MTMR3: variants seen among roughly 807,000 people sequenced by gnomAD.
MTMR3 encodes the protein myotubularin related protein 3, also known as phosphatidylinositol-3,5-bisphosphate 3-phosphatase MTMR3.
A neutral mutation model predicts 132.4 loss-of-function variants in MTMR3; 32 were observed. The ratio of observed to expected loss-of-function variants is 0.24; its 90% CI spans 0.18 to 0.32. The LOEUF (loss-of-function observed/expected upper bound fraction) is 0.32, where lower values mean the gene tolerates loss of function less well. Ranked by LOEUF, MTMR3 falls within the 10% of genes least tolerant of loss-of-function variation. The pLI is 1.00. For synonymous variants in MTMR3, 556 were observed against 550.3 expected (o/e 1.01, Z -0.14); for missense variants, 1,216 against 1,489.6 (o/e 0.82, Z 3.02).
chr22:29,908,112 T>C lies in MTMR3; in HGVS notation c.-138+24753T>C, dbSNP rs2145740655. Among the ~76,000 whole-genome samples, 3 of 152,288 alleles carry C rather than the reference T, an allele frequency of 2.0e-5. No individual in the cohort carries two copies. The Middle Eastern group carries it at 0.01, about 518-fold the overall frequency. On this transcript the variant is annotated intron_variant, in intron 1 of 19. Transcript: ENST00000401950. ...AGTCGGATGCAAGTAAGATTTTTTT[T>C]CCTAACAACCTTGTAAAACCTGGGG... is the stretch of plus-strand genomic sequence containing the variant.
chr22:29,910,364 A>G (rs1359380392), intron 1 of MTMR3, among the ~76,000 whole-genome samples: 4 of 152,178 alleles, frequency 2.6e-5, no homozygotes, highest in East Asian at 1.9e-4. Flanking sequence ...AAAGTGATGG[A>G]TCAGCAAAGA....
intron 1 of MTMR3, among the ~76,000 whole-genome samples, chr22:29,926,173 A>G (rs368366080): frequency 9.2e-5 from 14 of 152,198 alleles, no homozygotes; most frequent in South Asian, 4.2e-4. Flanking sequence ...GCTTTCATTT[A>G]GCATGAAAGC....
chr22:29,928,133 C>T (rs1330650463), intron 1 of MTMR3, among the ~76,000 whole-genome samples: 2 of 144,066 alleles, frequency 1.4e-5, no homozygotes, highest in African/African-American at 5.1e-5. Flanking sequence ...CCGTTCTTTT[C>T]TCATCGTCTG....
At chr22:29,996,761 C>T (rs2067069832) in intron 7 of MTMR3, 1 of 152,150 alleles carries the variant, frequency 6.6e-6, no homozygotes, top group South Asian at 2.1e-4. Flanking sequence ...GGGTCTCACT[C>T]TGTTGCCCAG....
intron 8 of MTMR3, chr22:30,001,886 T>G (rs886190564): frequency 6.6e-6 from 1 of 152,120 alleles, no homozygotes; most frequent in Non-Finnish European, 1.5e-5. Context: ...TTCTGGAAAT[T>G]GAGGAGAGAT....
At chr22:29,891,223 A>T (rs1377973972) in intron 1 of MTMR3, among the ~76,000 whole-genome samples, 1 of 152,014 alleles carries the variant, frequency 6.6e-6, no homozygotes, top group African/African-American at 2.4e-5. Flanking sequence ...CAAAAAATCA[A>T]CAAGGATGAT....
At chr22:30,002,815 C>A in intron 8 of MTMR3, 65 bp from the exon 9 acceptor site, 3 of 1,233,226 alleles carry the variant, frequency 2.4e-6, no homozygotes, top group Non-Finnish European at 3.5e-6. Flanking sequence ...GTCTCTCTCT[C>A]TCTCCCGTTT....
At chr22:29,924,117 C>A (rs1264225605) in intron 1 of MTMR3, among the ~76,000 whole-genome samples, 1 of 152,142 alleles carries the variant, frequency 6.6e-6, no homozygotes, top group African/African-American at 2.4e-5. Context: ...AATGCTATGT[C>A]ATGAAGCTTT....
rs538002732 is a variant in MTMR3, at chr22:29,945,990, A to T, written c.-137-11046A>T. Among the ~76,000 whole-genome samples the T allele has an allele frequency of 4.7e-5, 7 of 148,114 alleles. 1 individual carries two copies. The South Asian group carries it at 1.5e-3, about 32-fold the overall frequency. ...ACCAGAGTAGTTATGTTATAAATTC[A>T]ATTGTAAAACTTGTGTGTGTGTGTA... On this transcript the variant is annotated intron_variant, in intron 1 of 19. Transcript: ENST00000401950.
intron 1 of MTMR3, among the ~76,000 whole-genome samples, chr22:29,891,798 T>G (rs894740829): frequency 1.3e-5 from 2 of 152,122 alleles, no homozygotes; most frequent in Non-Finnish European, 2.9e-5. Flanking sequence ...TATAGATGCT[T>G]GTTTTTGGGC....
At chr22:30,003,038 C>T in intron 9 of MTMR3, 45 bp downstream of exon 9, 1 of 1,468,962 alleles carries the variant, frequency 6.8e-7, no homozygotes, top group Non-Finnish European at 9.5e-7. Context: ...GTGCTGCTGC[C>T]TGCTGCATAT....
intron 1 of MTMR3, among the ~76,000 whole-genome samples, chr22:29,932,765 C>A (rs1373465393): frequency 6.6e-6 from 1 of 152,048 alleles, no homozygotes; most frequent in Non-Finnish European, 1.5e-5. Flanking sequence ...ACTAACTTTG[C>A]TATGTTATGT....
Position 30,017,919 on chromosome 22 carries a change from C to G in MTMR3, c.1675-8C>G, listed in dbSNP as rs775839952. On this transcript the variant is annotated splice_polypyrimidine_tract_variant and splice_region_variant and intron_variant, in intron 15 of 19. Coordinates refer to ENST00000401950, the MANE Select transcript of MTMR3 (RefSeq NM_021090.4). Reference sequence around the variant, plus strand: ...CATATTTAAACCTGTGTCCTCCCCCCTCCTCAGGTGCTGTACCCTGTGTGC... The same window carrying G: ...CATATTTAAACCTGTGTCCTCCCCCGTCCTCAGGTGCTGTACCCTGTGTGC... 14 of 1,612,366 alleles carry G rather than the reference C, an allele frequency of 8.7e-6. No individual in the cohort carries two copies. The African/African-American group carries it at 1.6e-4, about 18-fold the overall frequency.
At chr22:29,932,265 T>A (rs2065661466) in intron 1 of MTMR3, among the ~76,000 whole-genome samples, 1 of 152,216 alleles carries the variant, frequency 6.6e-6, no homozygotes, top group Non-Finnish European at 1.5e-5. Context: ...CATATTAATA[T>A]ACAGAACATT....
intron 1 of MTMR3, among the ~76,000 whole-genome samples, chr22:29,884,547 G>A (rs1448666607): frequency 2.4e-5 from 3 of 126,680 alleles, no homozygotes; most frequent in Non-Finnish European, 3.2e-5. Flanking sequence ...CTTACAGAAT[G>A]ACACTTTTTT....
intron 7 of MTMR3, chr22:29,994,809 C>T (rs1438202040): frequency 6.6e-6 from 1 of 152,234 alleles, no homozygotes; most frequent in East Asian, 1.9e-4. Context: ...GCCGGCTGTA[C>T]TGTGGTCACA....
At chr22:29,977,975 C>T (rs112915444) in intron 3 of MTMR3, 7,493 of 153,574 alleles carry the variant, frequency 0.049, 265 homozygotes, top group South Asian at 0.086. Flanking sequence ...GGCAAAACCC[C>T]GTCTCTACAA....
intron 1 of MTMR3, among the ~76,000 whole-genome samples, chr22:29,928,249 A>G (rs1378242558): frequency 7.2e-6 from 1 of 138,708 alleles, no homozygotes; most frequent in African/African-American, 2.7e-5. Context: ...CTCTCTGGTC[A>G]CTGCCGCCTC....
At chr22:30,021,048 C>G (rs1053440334) in intron 17 of MTMR3, 164 bp downstream of exon 17, 1 of 689,484 alleles carries the variant, frequency 1.5e-6, no homozygotes, top group African/African-American at 1.8e-5. Context: ...TCCACGACAG[C>G]GATGGCAGCC....
Sources: allele counts gnomAD v4.1 joint callset (sites outside exome capture counted in the v4.1 genomes callset), GRCh38; gene constraint gnomAD v4.1.1; transcripts MANE v1.5; gene names NCBI Gene and HGNC (gene_info 2026-07-23, HGNC 2026-07-21).